The following SAMD12 variants were observed in gnomAD, a reference collection of about 807,000 sequenced individuals.
The protein encoded by SAMD12 is sterile alpha motif domain-containing protein 12.
SAMD12 carries 9 observed loss-of-function variants against 15.0 expected under a neutral mutation model. The ratio of observed to expected loss-of-function variants is 0.60; its 90% CI spans 0.36 to 1.05. The LOEUF is 1.05. Ranked by LOEUF, SAMD12 falls within the 50% of genes least tolerant of loss-of-function variation. SAMD12 has a pLI of 0.01. For synonymous variants in SAMD12, 86 were observed against 90.1 expected (o/e 0.96, Z 0.25); for missense variants, 230 against 234.2 (o/e 0.98, Z 0.12).
At chr8:118,341,778 C>A (rs1480369342) in intron 4 of SAMD12, among the ~76,000 whole-genome samples, 2 of 152,198 alleles carry the variant, frequency 1.3e-5, no homozygotes, top group African/African-American at 4.8e-5. Flanking sequence ...AGGGCACAAA[C>A]AGGCAGTATA....
the SAMD12 span, among the ~76,000 whole-genome samples, chr8:118,142,216 G>T: frequency 2.6e-5 from 4 of 152,106 alleles, no homozygotes; most frequent in Non-Finnish European, 2.9e-5. Context: ...GTTAGAAGCA[G>T]ACTCTCACTA....
At chr8:118,261,548 G>A (rs897256980) in intron 4 of SAMD12, among the ~76,000 whole-genome samples, 2 of 152,022 alleles carry the variant, frequency 1.3e-5, no homozygotes, top group African/African-American at 4.8e-5. Context: ...AACATCATTG[G>A]TAGCTGTGTT....
intron 4 of SAMD12, among the ~76,000 whole-genome samples, chr8:118,266,632 T>C (rs1813205730): frequency 6.6e-6 from 1 of 152,134 alleles, no homozygotes; most frequent in Admixed American, 6.6e-5. Flanking sequence ...GTGGTATATA[T>C]GCACAATGCA....
At chr8:118,168,911 A>C in the SAMD12 span, among the ~76,000 whole-genome samples, 2 of 152,222 alleles carry the variant, frequency 1.3e-5, no homozygotes, top group African/African-American at 4.8e-5. Context: ...AAGAATATTA[A>C]TCAAACACAT....
At chr8:118,258,650 AG>A (rs1563719050) in intron 4 of SAMD12, among the ~76,000 whole-genome samples, 1 of 152,120 alleles carries the variant, frequency 6.6e-6, no homozygotes, top group East Asian at 1.9e-4. Context: ...AGGAGTAAAA[AG>A]GGTGGTGGCA....
chr8:118,435,681 A>C (rs151056625), intron 3 of SAMD12, among the ~76,000 whole-genome samples: 348 of 152,366 alleles, frequency 2.3e-3, no homozygotes, highest in African/African-American at 8.0e-3. Flanking sequence ...ACACAGAAAC[A>C]AATGTTCATA....
intron 4 of SAMD12, among the ~76,000 whole-genome samples, chr8:118,327,472 A>T (rs1281225088): frequency 6.6e-6 from 1 of 152,178 alleles, no homozygotes; most frequent in Non-Finnish European, 1.5e-5. Context: ...TTAAACCATT[A>T]GTTACTCCAC....
At chr8:118,157,298 G>A in the SAMD12 span, among the ~76,000 whole-genome samples, 9 of 152,088 alleles carry the variant, frequency 5.9e-5, no homozygotes, top group African/African-American at 1.9e-4. Context: ...CTCTCTGCGG[G>A]TAACTTAATC....
At position 118,616,716 on chromosome 8, in the gene SAMD12, CA is replaced by C. The variant is rs1388838117; in HGVS notation, c.13+5087del. 3.9e-5 allele frequency among the ~76,000 whole-genome samples: 6 copies of C among 152,312 alleles called. No homozygotes were observed. The East Asian group carries it at 1.2e-3, about 29-fold the overall frequency. ...CTCTCCAGCTGCCAGTGGTATAGAG[CA>C]GGGGTCCCCAACCCCTGGGTTGTGA... On this transcript the variant is annotated intron_variant, in intron 1 of 3. Coordinates refer to ENST00000314727, the MANE Select transcript of SAMD12 (RefSeq NM_207506.3).
the SAMD12 span, among the ~76,000 whole-genome samples, chr8:118,137,134 C>G: frequency 6.6e-6 from 1 of 152,302 alleles, no homozygotes; most frequent in East Asian, 1.9e-4. Context: ...TTCTGGGGTC[C>G]AAACACCCCC....
At position 118,580,884 on chromosome 8, in the gene SAMD12, C is replaced by T. The variant is rs1256476255; in HGVS notation, c.23G>A (p.Cys8Tyr). 6.2e-7 allele frequency: 1 copy of T among 1,607,074 alleles called. No individual in the cohort carries two copies. The highest frequency in any genetic ancestry group is 1.3e-5 in the African/African-American group (1 of 74,476). The stretch of plus-strand genomic sequence containing the variant: ...ATCAATACCCCGTGGATTCAAACCA[C>T]AGTGGAGAGCTAGGAAAAAGCAACA... MAVEALH[C>Y]GLNPRGIDHP... The change falls in exon 2 of 4, where the codon TGT (cysteine) becomes TAT (tyrosine). Residue 8 changes from cysteine (C) to tyrosine (Y), a missense_variant. Coordinates refer to ENST00000314727, the MANE Select transcript of SAMD12 (RefSeq NM_207506.3).
At chr8:118,218,633 G>A (rs1477907514) in intron 4 of SAMD12, among the ~76,000 whole-genome samples, 3 of 149,728 alleles carry the variant, frequency 2.0e-5, no homozygotes, top group Non-Finnish European at 4.4e-5. Flanking sequence ...TTTGTCTTTC[G>A]ATGCTGGGCT....
intron 4 of SAMD12, among the ~76,000 whole-genome samples, chr8:118,293,678 T>G (rs1207111150): frequency 6.6e-6 from 1 of 152,178 alleles, no homozygotes; most frequent in Non-Finnish European, 1.5e-5. Flanking sequence ...AGAAGCCAGC[T>G]GAAGATGCAA....
At chr8:118,342,110 CA>C (rs2130551227) in intron 4 of SAMD12, among the ~76,000 whole-genome samples, 1 of 152,090 alleles carries the variant, frequency 6.6e-6, no homozygotes, top group Non-Finnish European at 1.5e-5. Flanking sequence ...GCCAACATGG[CA>C]AAACCCCGTC....
chr8:118,568,341 G>GAA (rs1260905593), intron 2 of SAMD12, among the ~76,000 whole-genome samples: 2 of 152,180 alleles, frequency 1.3e-5, no homozygotes, highest in African/African-American at 4.8e-5. Context: ...AATGAGCATA[G>GAA]AAAAGCCTAG....
chr8:118,392,355 T>C (rs60842367), intron 3 of SAMD12, among the ~76,000 whole-genome samples: 2,827 of 152,278 alleles, frequency 0.019, 82 homozygotes, highest in African/African-American at 0.064. Flanking sequence ...CACTTGAACT[T>C]GGGAGGCAGA....
At chr8:118,291,002 C>T (rs893095477) in intron 4 of SAMD12, among the ~76,000 whole-genome samples, 4 of 152,188 alleles carry the variant, frequency 2.6e-5, no homozygotes, top group African/African-American at 9.7e-5. Flanking sequence ...CTGCTCCTCG[C>T]TTCACTGGCC....
At position 118,284,349 on chromosome 8, in the gene SAMD12, CT is replaced by C. The variant is rs765470600; in HGVS notation, c.434-86618del. On this transcript the variant is annotated intron_variant, in intron 4 of 4. Coordinates refer to the SAMD12 transcript ENST00000409003. ...TCCCTTCTAACAATATAACAATATG[CT>C]TCTGTAAATTTTCACACTGAATTGG... 9.2e-5 allele frequency: 42 copies of C among 456,248 alleles called. 1 individual carries two copies. Among genetic ancestry groups the C allele is most frequent in the South Asian group, 6.2e-4 (40 of 64,568 alleles). 28.3% of individuals were successfully genotyped at this position (456,248 alleles called of 1,614,324 possible). A position where few individuals can be genotyped will look rare whatever the true frequency, so the allele number is the denominator to read the frequency against.
At position 118,363,687 on chromosome 8, in the gene SAMD12, G is replaced by A. The variant is rs72675896; in HGVS notation, c.433+15873C>T. ...CTTCTCAGCCTCCATAATAACATCA[G>A]CAGATTCTTTATAATAAATTTCCTT... is the stretch of plus-strand genomic sequence containing the variant. On this transcript the variant is annotated intron_variant, in intron 4 of 4. Coordinates refer to the SAMD12 transcript ENST00000409003. 2.2e-3 allele frequency among the ~76,000 whole-genome samples: 332 copies of A among 152,248 alleles called. 1 individual carries two copies. Among genetic ancestry groups the A allele is most frequent in the Non-Finnish European group, 3.0e-3 (202 of 68,024 alleles).
Sources: allele counts gnomAD v4.1 joint callset (sites outside exome capture counted in the v4.1 genomes callset), GRCh38; gene constraint gnomAD v4.1.1; transcripts MANE v1.5; gene names NCBI Gene and HGNC (gene_info 2026-07-23, HGNC 2026-07-21).